SAMD5: variants seen among roughly 807,000 people sequenced by gnomAD.
SAMD5 encodes the protein sterile alpha motif domain containing 5.
SAMD5 carries 13 observed loss-of-function variants against 11.3 expected under a neutral mutation model. That is an observed-to-expected ratio of 1.15 (90% CI 0.75 to 1.83). The LOEUF is 1.83. Among genes scored for constraint, SAMD5 ranks in the 40% most tolerant of loss-of-function variants. SAMD5 has a pLI of 0.00. For synonymous variants in SAMD5, 129 were observed against 111.3 expected, an observed-to-expected ratio of 1.16 and a Z score of -1.00; for missense variants, 255 against 239.1, an observed-to-expected ratio of 1.07 and a Z score of -0.44.
chr6:147,640,113 G>A (rs1347998909), intron 1 of SAMD5, among the ~76,000 whole-genome samples: 1 of 151,980 alleles, frequency 6.6e-6, no homozygotes, highest in Non-Finnish European at 1.5e-5. Flanking sequence ...AGATCACGAG[G>A]TAAAGAGATC....
the SAMD5 span, among the ~76,000 whole-genome samples, chr6:147,767,100 A>G: frequency 6.6e-6 from 1 of 152,234 alleles, no homozygotes. Flanking sequence ...AAAAGTTGTT[A>G]TGTAACTATA....
intron 1 of SAMD5, among the ~76,000 whole-genome samples, chr6:147,683,938 T>A (rs1022538328): frequency 2.6e-5 from 4 of 152,196 alleles, no homozygotes; most frequent in Admixed American, 2.6e-4. Context: ...ACATTATTCT[T>A]TGCTTTAATT....
chr6:147,919,688 A>G, the SAMD5 span, among the ~76,000 whole-genome samples: 9 of 152,200 alleles, frequency 5.9e-5, no homozygotes, highest in African/African-American at 1.9e-4. Context: ...ACCAATTCCC[A>G]TTTTTGAACT....
the SAMD5 span, among the ~76,000 whole-genome samples, chr6:147,844,340 A>C: frequency 1.3e-5 from 2 of 152,346 alleles, no homozygotes; most frequent in Middle Eastern, 6.8e-3. Context: ...AAGATGAAAG[A>C]TAAATGTTGT....
the SAMD5 span, among the ~76,000 whole-genome samples, chr6:147,782,939 A>G: frequency 6.6e-6 from 1 of 152,120 alleles, no homozygotes; most frequent in Admixed American, 6.5e-5. Flanking sequence ...ATTTAGGGAG[A>G]TGATTTTTGT....
chr6:147,628,845 A>G (rs1157395843), intron 1 of SAMD5, among the ~76,000 whole-genome samples: 1 of 152,188 alleles, frequency 6.6e-6, no homozygotes, highest in Non-Finnish European at 1.5e-5. Flanking sequence ...TGGGTTCATA[A>G]TTGATTGAAT....
chr6:147,922,061 G>C, the SAMD5 span, among the ~76,000 whole-genome samples: 2 of 151,848 alleles, frequency 1.3e-5, no homozygotes, highest in Non-Finnish European at 2.9e-5. Flanking sequence ...ATTCTTTTTT[G>C]CTTTAGATAC....
In SAMD5 at chr6:147,564,476, G is replaced by C. The variant is rs746257839; in HGVS notation, c.*20G>C. 2.5e-6 allele frequency: 2 copies of C among 790,342 alleles called. No homozygotes were observed. Among genetic ancestry groups the C allele is most frequent in the Non-Finnish European group, 4.7e-6 (2 of 427,046 alleles). The allele number at this position is 790,342 out of a possible 1,614,324, so 49.0% of individuals were successfully genotyped here. A position where few individuals can be genotyped will look rare whatever the true frequency, so the allele number is the denominator to read the frequency against. ...CGCTAGATATCATTTTTGAGACCTC[G>C]TGGAGGACTGATGAGGTGCCTGAAG... On this transcript the variant is annotated 3_prime_UTR_variant, in exon 2 of 2. Coordinates refer to ENST00000367474, the MANE Select transcript of SAMD5 (RefSeq NM_001030060.3).
chr6:147,727,417 A>C (rs1030256918), intron 1 of SAMD5, among the ~76,000 whole-genome samples: 5 of 152,178 alleles, frequency 3.3e-5, no homozygotes, highest in African/African-American at 1.2e-4. Flanking sequence ...AGCCCTTACC[A>C]CATGGCATTG....
At chr6:147,676,481 G>A (rs1790864869) in intron 1 of SAMD5, among the ~76,000 whole-genome samples, 1 of 152,138 alleles carries the variant, frequency 6.6e-6, no homozygotes, top group Admixed American at 6.5e-5. Flanking sequence ...GCACTTATTG[G>A]TAGAGTATGC....
chr6:147,586,793 T>C (rs1361962749), intron 1 of SAMD5, among the ~76,000 whole-genome samples: 1 of 151,930 alleles, frequency 6.6e-6, no homozygotes, highest in African/African-American at 2.4e-5. Context: ...GAAATAAAAC[T>C]CCAAATGAGG....
the SAMD5 span, among the ~76,000 whole-genome samples, chr6:147,890,753 GTTTTTT>G: frequency 3.4e-3 from 493 of 146,398 alleles, 1 homozygote; most frequent in African/African-American, 0.012. Context: ...TATTTGGATA[GTTTTTT>G]TTTTTTTAAC....
At chr6:147,901,706 A>G in the SAMD5 span, among the ~76,000 whole-genome samples, 1 of 152,226 alleles carries the variant, frequency 6.6e-6, no homozygotes, top group African/African-American at 2.4e-5. Context: ...AAGCTTCGAT[A>G]GGTATAATCA....
At position 147,665,173 on chromosome 6, in the gene SAMD5, A is replaced by C. The variant is rs73787368; in HGVS notation, c.163-72144A>C. Among the ~76,000 whole-genome samples the C allele has an allele frequency of 7.3e-3, 1,110 of 152,348 alleles. 12 individuals carry two copies. The highest frequency in any genetic ancestry group is 0.026 in the African/African-American group (1,063 of 41,580). ...TTAAAATTTAAGCAACTGATTCTAC[A>C]AACATAGTTTAATGTAGTTCATATG... On this transcript the variant is annotated intron_variant, in intron 1 of 1. Coordinates refer to the SAMD5 transcript ENST00000566741.
At chr6:147,684,684 T>C (rs551957179) in intron 1 of SAMD5, among the ~76,000 whole-genome samples, 54 of 152,320 alleles carry the variant, frequency 3.5e-4, no homozygotes, top group African/African-American at 1.3e-3. Flanking sequence ...AACTTTTCAT[T>C]TTCCAGATGA....
the SAMD5 span, among the ~76,000 whole-genome samples, chr6:147,812,931 C>T: frequency 9.9e-5 from 15 of 152,148 alleles, no homozygotes; most frequent in Non-Finnish European, 1.8e-4. Context: ...CCTCTCATTA[C>T]CTATTAAAAT....
At chr6:147,853,472 ATAT>A in the SAMD5 span, among the ~76,000 whole-genome samples, 1 of 152,012 alleles carries the variant, frequency 6.6e-6, no homozygotes, top group East Asian at 1.9e-4. Context: ...CTGTTAGGTT[ATAT>A]TCCTGATCAG....
intron 1 of SAMD5, among the ~76,000 whole-genome samples, chr6:147,521,770 CCTTAT>C (rs1788258719): frequency 6.6e-6 from 1 of 152,000 alleles, no homozygotes; most frequent in South Asian, 2.1e-4. Context: ...AATGTGAAGA[CCTTAT>C]CTTAAATTAT....
the SAMD5 span, among the ~76,000 whole-genome samples, chr6:147,858,553 C>T: frequency 6.6e-6 from 1 of 152,120 alleles, no homozygotes; most frequent in Non-Finnish European, 1.5e-5. Flanking sequence ...GTGGCTTTGG[C>T]AGTTGGAGGT....
Sources: allele counts gnomAD v4.1 joint callset (sites outside exome capture counted in the v4.1 genomes callset), GRCh38; gene constraint gnomAD v4.1.1; transcripts MANE v1.5; gene names NCBI Gene and HGNC (gene_info 2026-07-23, HGNC 2026-07-21).